LRRTM4: variants seen among roughly 807,000 people sequenced by gnomAD.
LRRTM4 encodes the protein leucine-rich repeat transmembrane neuronal protein 4.
In LRRTM4, 25 loss-of-function variants were observed where a neutral mutation model predicts 47.6. That is an observed-to-expected ratio of 0.53 (90% CI 0.38 to 0.73). The LOEUF is 0.73. LRRTM4 is among the 30% of genes least tolerant of loss of function. The pLI, the probability that LRRTM4 is intolerant of heterozygous loss-of-function variation, is 0.00. For synonymous variants in LRRTM4, 311 were observed against 269.5 expected, an observed-to-expected ratio of 1.15 and a Z score of -1.51; for missense variants, 638 against 713.4, an observed-to-expected ratio of 0.89 and a Z score of 1.20.
At chr2:76,846,475 G>T (rs893481830) in intron 3 of LRRTM4, among the ~76,000 whole-genome samples, 3 of 152,084 alleles carry the variant, frequency 2.0e-5, no homozygotes, top group African/African-American at 4.8e-5. Flanking sequence ...CATTTTACAT[G>T]TATATGTACA....
At chr2:76,807,992 T>C (rs1670602388) in intron 3 of LRRTM4, among the ~76,000 whole-genome samples, 1 of 150,688 alleles carries the variant, frequency 6.6e-6, no homozygotes, top group Non-Finnish European at 1.5e-5. Context: ...CTTTCTTTTC[T>C]TTCTGTCTCT....
intron 3 of LRRTM4, among the ~76,000 whole-genome samples, chr2:77,455,587 C>T (rs918285139): frequency 6.6e-6 from 1 of 151,888 alleles, no homozygotes; most frequent in African/African-American, 2.4e-5. Flanking sequence ...TTCCTATTCT[C>T]AAACCTCTTC....
intron 3 of LRRTM4, among the ~76,000 whole-genome samples, chr2:76,795,949 T>A (rs1158336032): frequency 6.6e-6 from 1 of 150,876 alleles, no homozygotes; most frequent in Non-Finnish European, 1.5e-5. Flanking sequence ...CGCAGGTCAG[T>A]GGGTGCGCGC....
chr2:77,426,131 A>G (rs952643589), intron 3 of LRRTM4, among the ~76,000 whole-genome samples: 1 of 151,512 alleles, frequency 6.6e-6, no homozygotes, highest in Non-Finnish European at 1.5e-5. Flanking sequence ...AAAAAAAAAA[A>G]GTCATCCCTG....
chr2:76,897,047 C>T (rs531470841), intron 3 of LRRTM4, among the ~76,000 whole-genome samples: 1 of 152,012 alleles, frequency 6.6e-6, no homozygotes, highest in Admixed American at 6.6e-5. Flanking sequence ...AAGACGGACA[C>T]TCGTAGCTTA....
chr2:77,003,780 C>A (rs182031769), intron 3 of LRRTM4, among the ~76,000 whole-genome samples: 75 of 151,558 alleles, frequency 4.9e-4, no homozygotes, highest in African/African-American at 1.8e-3. Flanking sequence ...GGGCAACAGG[C>A]AGAGGTTGCA....
At chr2:77,055,986 A>G (rs1429621810) in intron 3 of LRRTM4, among the ~76,000 whole-genome samples, 1 of 145,756 alleles carries the variant, frequency 6.9e-6, no homozygotes, top group East Asian at 2.1e-4. Context: ...TGGGAATTGA[A>G]CAATGAGAAC....
At position 77,521,140 on chromosome 2, in the gene LRRTM4, G is replaced by C. The variant is rs138316913; in HGVS notation, c.4+528C>G. Reference sequence around the variant, plus strand: ...TCCAGCTCTCCCAGACAGGAGAAAGGGGGGGAAAAAAGCCAGTCACACTCG... The same window carrying C: ...TCCAGCTCTCCCAGACAGGAGAAAGCGGGGGAAAAAAGCCAGTCACACTCG... On this transcript the variant is annotated intron_variant, in intron 2 of 3. Coordinates refer to ENST00000409884, the MANE Select transcript of LRRTM4 (RefSeq NM_001134745.3). 1.3e-4 allele frequency among the ~76,000 whole-genome samples: 19 copies of C among 151,930 alleles called. No individual in the cohort carries two copies. The East Asian group carries it at 1.9e-3, about 16-fold the overall frequency.
chr2:77,186,611 A>G (rs1673511792), intron 3 of LRRTM4, among the ~76,000 whole-genome samples: 3 of 152,194 alleles, frequency 2.0e-5, no homozygotes, highest in Admixed American at 2.0e-4. Context: ...ACAAAATTAA[A>G]TACAATTAAA....
intron 3 of LRRTM4, among the ~76,000 whole-genome samples, chr2:77,407,712 C>T (rs866316261): frequency 0.097 from 12,791 of 131,390 alleles, 947 homozygotes; most frequent in African/African-American, 0.21. Context: ...TATAATATAT[C>T]ATATATTATA....
chr2:77,071,811 A>T (rs1167347038), intron 3 of LRRTM4, among the ~76,000 whole-genome samples: 1 of 152,206 alleles, frequency 6.6e-6, no homozygotes, highest in Non-Finnish European at 1.5e-5. Context: ...GTTGTTGATA[A>T]AGAAAAATCT....
chr2:76,938,023 C>G (rs1337237909), intron 3 of LRRTM4, among the ~76,000 whole-genome samples: 3 of 151,968 alleles, frequency 2.0e-5, no homozygotes, highest in African/African-American at 7.3e-5. Flanking sequence ...TTTAAATACC[C>G]TCCTTTTTTC....
chr2:77,065,432 CTTTT>C (rs970741791), intron 3 of LRRTM4, among the ~76,000 whole-genome samples: 2 of 151,984 alleles, frequency 1.3e-5, no homozygotes, highest in Admixed American at 6.6e-5. Flanking sequence ...CTTTATTGAC[CTTTT>C]TTATTAGGTC....
chr2:76,809,344 C>A (rs1262576101), intron 3 of LRRTM4, among the ~76,000 whole-genome samples: 1 of 152,040 alleles, frequency 6.6e-6, no homozygotes, highest in East Asian at 1.9e-4. Context: ...TGTTTGCAGT[C>A]CCTCACTCCC....
intron 3 of LRRTM4, among the ~76,000 whole-genome samples, chr2:77,454,232 G>A (rs1428998363): frequency 6.6e-6 from 1 of 152,172 alleles, no homozygotes; most frequent in Non-Finnish European, 1.5e-5. Context: ...TGTAAAGGTA[G>A]TTTCACTTAT....
intron 3 of LRRTM4, among the ~76,000 whole-genome samples, chr2:77,221,985 A>T (rs1674649423): frequency 6.6e-6 from 1 of 152,184 alleles, no homozygotes; most frequent in African/African-American, 2.4e-5. Flanking sequence ...ATGTGAAAGA[A>T]CAGAAATTAT....
chr2:77,334,701 C>A (rs976916227), intron 3 of LRRTM4, among the ~76,000 whole-genome samples: 3 of 152,160 alleles, frequency 2.0e-5, no homozygotes, highest in African/African-American at 7.2e-5. Context: ...TGGACTAATA[C>A]AAATACAGTT....
chr2:77,510,091 A>C (rs2104101290), intron 3 of LRRTM4, among the ~76,000 whole-genome samples: 1 of 152,326 alleles, frequency 6.6e-6, no homozygotes, highest in Non-Finnish European at 1.5e-5. Flanking sequence ...AAGTCTTATT[A>C]GAAACAATTG....
At chr2:77,250,757 G>A (rs1443699736) in intron 3 of LRRTM4, among the ~76,000 whole-genome samples, 3 of 152,088 alleles carry the variant, frequency 2.0e-5, no homozygotes, top group African/African-American at 7.2e-5. Flanking sequence ...ATTGTGTGCA[G>A]CAGGAAAATG....
Sources: gnomAD v4.1 joint callset for allele counts (sites outside exome capture counted in the v4.1 genomes callset) on GRCh38, gnomAD v4.1.1 for gene constraint, MANE v1.5 for transcripts, NCBI Gene and HGNC (gene_info 2026-07-23, HGNC 2026-07-21) for gene names.